Variants in TRAK1 observed in about 807,000 individuals in gnomAD.
TRAK1 encodes the protein trafficking kinesin protein 1.
In TRAK1, 33 loss-of-function variants were observed where a neutral mutation model predicts 92.1. The observed-to-expected ratio is 0.36, with a 90% confidence interval of 0.27 to 0.48. The LOEUF is 0.48. Ranked by LOEUF, TRAK1 falls within the 20% of genes least tolerant of loss-of-function variation. TRAK1 has a pLI of 0.99. For missense variants in TRAK1, 1,123 were observed against 1,257.9 expected (o/e 0.89, Z 1.62); for synonymous variants, 521 against 517.3 (o/e 1.01, Z -0.10).
chr3:42,022,583 ATGG>A (rs1468707236), intron 1 of TRAK1, among the ~76,000 whole-genome samples: 1 of 152,114 alleles, frequency 6.6e-6, no homozygotes, highest in Non-Finnish European at 1.5e-5. Flanking sequence ...TTAGCTGGGC[ATGG>A]TGGTGTGCCC....
intron 2 of TRAK1, among the ~76,000 whole-genome samples, chr3:42,160,006 GAGGGTCT>G (rs1341756414): frequency 1.3e-5 from 2 of 152,232 alleles, no homozygotes; most frequent in Non-Finnish European, 2.9e-5. Context: ...GAAAGGTGGA[GAGGGTCT>G]AGGAGGCCGA....
intron 2 of TRAK1, among the ~76,000 whole-genome samples, chr3:42,138,195 T>C (rs939639715): frequency 6.6e-6 from 1 of 152,226 alleles, no homozygotes. Context: ...TATAGACATA[T>C]GCACTTAACT....
rs1346612654 is a variant in TRAK1, at chr3:42,193,174, A to G, written c.869A>G (p.Gln290Arg). The G allele has an allele frequency of 3.1e-6, 5 of 1,614,082 alleles. No individual in the cohort carries two copies. The Admixed American group carries it at 8.3e-5, about 27-fold the overall frequency. ...QQEEITHLLS[Q>R]IVDLQKKAKA... is the part of the protein sequence containing the mutation. The stretch of plus-strand genomic sequence containing the variant: ...GAGGAGATCACACACCTGCTATCGC[A>G]AATAGTTGATTTGCAGAAAAAGGCA... The change falls in exon 8 of 16, where the codon CAA becomes CGA. Residue 290 changes from glutamine to arginine, a missense_variant. Physicochemically the swap from Gln to Arg is conservative, Grantham distance 43. Around this residue, in one of 3 missense-constraint regions of TRAK1, gnomAD observed 686 missense variants for 747.6 expected, o/e 0.92. Transcript: ENST00000327628.
chr3:42,149,394 T>C, intron 2 of TRAK1: 1 of 1,456,232 alleles, frequency 6.9e-7, no homozygotes, highest in Non-Finnish European at 9.0e-7. Context: ...CAGACTGTCG[T>C]TAAGAATGTA....
chr3:42,072,256 C>G (rs768822236), intron 1 of TRAK1, among the ~76,000 whole-genome samples: 1 of 152,074 alleles, frequency 6.6e-6, no homozygotes, highest in African/African-American at 2.4e-5. Context: ...CTGTCTCTCT[C>G]GGGAGTCGCC....
intron 1 of TRAK1, among the ~76,000 whole-genome samples, chr3:42,066,426 G>GGA (rs138060933): frequency 0.022 from 3,302 of 149,674 alleles, 46 homozygotes; most frequent in South Asian, 0.071. Flanking sequence ...GGATGGTCAT[G>GGA]GAGAGAGAGA....
At chr3:42,204,885 AC>A (rs1708148489) in intron 13 of TRAK1, among the ~76,000 whole-genome samples, 1 of 152,140 alleles carries the variant, frequency 6.6e-6, no homozygotes, top group Non-Finnish European at 1.5e-5. Context: ...CCTGGCTCAG[AC>A]TTCTTAGCTG....
At chr3:42,086,460 C>A (rs1576278641), upstream of TRAK1, among the ~76,000 whole-genome samples, 1 of 151,986 alleles carries the variant, frequency 6.6e-6, no homozygotes, top group East Asian at 1.9e-4. Context: ...TGCCCGCTAC[C>A]ATACCTGACT....
chr3:42,118,190 T>A (rs1709410018), intron 1 of TRAK1, among the ~76,000 whole-genome samples: 1 of 152,072 alleles, frequency 6.6e-6, no homozygotes, highest in South Asian at 2.1e-4. Context: ...TTCAAGCAGT[T>A]CTTCCTGCTT....
At chr3:42,052,763 A>G (rs1285491269) in intron 1 of TRAK1, among the ~76,000 whole-genome samples, 1 of 152,076 alleles carries the variant, frequency 6.6e-6, no homozygotes. Flanking sequence ...CATTGTATGC[A>G]TTGTTCTGTA....
At chr3:42,127,772 C>T (rs186904663) in intron 2 of TRAK1, among the ~76,000 whole-genome samples, 1 of 152,172 alleles carries the variant, frequency 6.6e-6, no homozygotes, top group Non-Finnish European at 1.5e-5. Context: ...CATTTCATTC[C>T]TGTAAAATGC....
At chr3:42,068,730 A>G (rs1023302857) in intron 1 of TRAK1, among the ~76,000 whole-genome samples, 1 of 152,192 alleles carries the variant, frequency 6.6e-6, no homozygotes, top group Non-Finnish European at 1.5e-5. Flanking sequence ...AACCCTTACT[A>G]CTTATGGGAA....
intron 7 of TRAK1, among the ~76,000 whole-genome samples, chr3:42,192,866 T>C (rs1270525459): frequency 6.6e-6 from 1 of 152,206 alleles, no homozygotes; most frequent in Admixed American, 6.5e-5. Flanking sequence ...TGAGATTCTT[T>C]TTCATAACTG....
At chr3:42,058,866 A>G (rs993983070) in intron 1 of TRAK1, among the ~76,000 whole-genome samples, 5 of 152,246 alleles carry the variant, frequency 3.3e-5, no homozygotes, top group South Asian at 2.1e-4. Flanking sequence ...ACGATTGGCT[A>G]TAAGACAAAA....
intron 2 of TRAK1, among the ~76,000 whole-genome samples, chr3:42,151,653 C>T (rs955320777): frequency 1.3e-5 from 2 of 152,100 alleles, no homozygotes; most frequent in African/African-American, 4.8e-5. Context: ...GTTTAGGAAA[C>T]GTACAAAAAG....
At chr3:42,131,285 C>G (rs1697164557) in intron 2 of TRAK1, among the ~76,000 whole-genome samples, 1 of 152,200 alleles carries the variant, frequency 6.6e-6, no homozygotes, top group Admixed American at 6.5e-5. Flanking sequence ...GCTTGGCTCC[C>G]AGTGCCTCAC....
intron 2 of TRAK1, among the ~76,000 whole-genome samples, chr3:42,145,275 A>C (rs1699181676): frequency 6.6e-6 from 1 of 152,232 alleles, no homozygotes; most frequent in Non-Finnish European, 1.5e-5. Context: ...ACTTGAGGTC[A>C]GGAGTTTGAG....
chr3:42,219,876 A>G (rs1355718252), intron 15 of TRAK1, among the ~76,000 whole-genome samples: 1 of 136,332 alleles, frequency 7.3e-6, no homozygotes, highest in Non-Finnish European at 1.5e-5. Context: ...GCTCACTGCA[A>G]CCTCCACCTC....
rs77403300 is a variant in TRAK1, at chr3:42,137,849, C to T, written c.286+12235C>T. On this transcript the variant is annotated intron_variant, in intron 2 of 15. Transcript: ENST00000327628. ...CATCATCCACGGACTAAATATGTGA[C>T]CTTGAGCAAATCACTTATCACTGCA... is the stretch of plus-strand genomic sequence containing the variant. Among the ~76,000 whole-genome samples the T allele has an allele frequency of 9.5e-3, 1,451 of 152,246 alleles. 40 individuals carry two copies. The East Asian group carries it at 0.11, about 11-fold the overall frequency.
Sources: allele counts gnomAD v4.1 joint callset (sites outside exome capture counted in the v4.1 genomes callset), GRCh38; gene constraint gnomAD v4.1.1; regional missense constraint gnomAD v4.1.1; transcripts MANE v1.5; gene names NCBI Gene and HGNC (gene_info 2026-07-23, HGNC 2026-07-21).